Variants in COMMD1 observed in about 807,000 individuals in gnomAD.
The protein encoded by COMMD1 is COMM domain-containing protein 1.
COMMD1 carries 10 observed loss-of-function variants against 17.2 expected under a neutral mutation model. The ratio of observed to expected loss-of-function variants is 0.58; its 90% confidence interval spans 0.36 to 0.99. The LOEUF (loss-of-function observed/expected upper bound fraction) is 0.99. Among genes scored for constraint, COMMD1 ranks in the 50% least tolerant of loss-of-function variants. The pLI is 0.01. For missense variants in COMMD1, 270 were observed against 231.8 expected, an observed-to-expected ratio of 1.17 and a Z score of -1.07; for synonymous variants, 97 against 91.6, an observed-to-expected ratio of 1.06 and a Z score of -0.34.
intron 1 of COMMD1, among the ~76,000 whole-genome samples, chr2:61,920,981 A>ATATATATATATATATATT (rs749403795): frequency 7.8e-5 from 11 of 141,398 alleles, no homozygotes; most frequent in African/African-American, 3.0e-4. Context: ...ATATATATAT[A>ATATATATATATATATATT]TTTTTTTTTT....
rs138335575 is a variant in COMMD1, at chr2:62,075,524, A to G, written c.463-60307A>G. ...TAGAGCCTCTTATTTATGCTGTCTC[A>G]ATTATCTCTGGATATAATCATATGA... On this transcript the variant is annotated intron_variant, in intron 2 of 2. Coordinates refer to ENST00000311832, the MANE Select transcript of COMMD1 (RefSeq NM_152516.4). 1.6e-4 allele frequency among the ~76,000 whole-genome samples: 25 copies of G among 152,334 alleles called. No individual in the cohort carries two copies. In the East Asian group the frequency reaches 4.0e-3, roughly 25 times the overall value.
chr2:61,915,964 G>A (rs182895099), intron 1 of COMMD1, among the ~76,000 whole-genome samples: 285 of 150,342 alleles, frequency 1.9e-3, no homozygotes, highest in African/African-American at 5.7e-3. Context: ...GAGCCACTGC[G>A]CCCAGCCTAT....
intron 1 of COMMD1, among the ~76,000 whole-genome samples, chr2:61,947,889 A>G (rs968755313): frequency 6.0e-5 from 9 of 150,930 alleles, no homozygotes; most frequent in Admixed American, 5.3e-4. Context: ...CAATTGTTGA[A>G]ATAGTTTGTC....
intron 1 of COMMD1, among the ~76,000 whole-genome samples, chr2:61,976,732 T>G (rs1197074153): frequency 6.6e-6 from 1 of 152,162 alleles, no homozygotes; most frequent in East Asian, 1.9e-4. Context: ...AACACAGAAT[T>G]TTTAGTAGTA....
chr2:62,045,757 A>C (rs1176103413), intron 2 of COMMD1, among the ~76,000 whole-genome samples: 1 of 57,300 alleles, frequency 1.7e-5, no homozygotes, highest in African/African-American at 6.4e-5. Context: ...TTTTTTTTTG[A>C]GACAGAGTCT....
intron 2 of COMMD1, among the ~76,000 whole-genome samples, chr2:62,036,605 T>C (rs1670045380): frequency 6.6e-6 from 1 of 152,232 alleles, no homozygotes; most frequent in Non-Finnish European, 1.5e-5. Context: ...CTGGAGCTGA[T>C]GTAAGGGGCT....
intron 1 of COMMD1, among the ~76,000 whole-genome samples, chr2:61,907,316 A>C (rs1413536866): frequency 1.3e-5 from 2 of 152,186 alleles, no homozygotes; most frequent in Non-Finnish European, 2.9e-5. Flanking sequence ...TATGTTGGCC[A>C]GGATGGTTTT....
intron 1 of COMMD1, among the ~76,000 whole-genome samples, chr2:61,974,346 T>C (rs1179602282): frequency 1.3e-5 from 2 of 151,980 alleles, no homozygotes; most frequent in Non-Finnish European, 2.9e-5. Context: ...CATTTAGCAT[T>C]GTATCTATGA....
intron 2 of COMMD1, among the ~76,000 whole-genome samples, chr2:62,118,704 G>T (rs2104066850): frequency 6.6e-6 from 1 of 152,276 alleles, no homozygotes; most frequent in Non-Finnish European, 1.5e-5. Context: ...TATCCTGGCA[G>T]TCCCCGTAAA....
rs140996141 is a variant in COMMD1, at chr2:61,918,169, T to G, written c.180+12311T>G. 5.2e-3 allele frequency among the ~76,000 whole-genome samples: 786 copies of G among 152,342 alleles called. 10 individuals are homozygous for G. Among genetic ancestry groups the G allele is most frequent in the African/African-American group, 0.017 (699 of 41,580 alleles). On this transcript the variant is annotated intron_variant, in intron 1 of 2. Transcript: ENST00000311832. ...AAGTTGGCTACTCAACAATAAAAAT[T>G]TATTATCCAAAAAGATGTCTAAATA... is the stretch of plus-strand genomic sequence containing the variant.
At position 61,935,495 on chromosome 2, in the gene COMMD1, G is replaced by A. The variant is rs959339573; in HGVS notation, c.180+29637G>A. Among the ~76,000 whole-genome samples the A allele has an allele frequency of 2.0e-5, 3 of 152,204 alleles. No homozygotes were observed. In the East Asian group the frequency reaches 5.8e-4, roughly 29 times the overall value. ...ATACAAAAATTAGCTGGGCATGATG[G>A]CAGGTGCCTGTAATCCTAGCTACTT... On this transcript the variant is annotated intron_variant, in intron 1 of 2. Transcript: ENST00000311832.
At chr2:62,087,869 T>G (rs1325487388) in intron 2 of COMMD1, among the ~76,000 whole-genome samples, 1 of 152,214 alleles carries the variant, frequency 6.6e-6, no homozygotes, top group East Asian at 1.9e-4. Context: ...TTGGAGACGC[T>G]TTGCCTTACC....
chr2:61,947,016 C>T (rs532434937), intron 1 of COMMD1, among the ~76,000 whole-genome samples: 2 of 152,112 alleles, frequency 1.3e-5, no homozygotes, highest in Non-Finnish European at 2.9e-5. Context: ...AGTAGACAGT[C>T]GTGAATTGTC....
At chr2:62,000,643 A>G (rs757703803) in intron 1 of COMMD1, 58 bp from the exon 2 acceptor site, 15 of 1,498,556 alleles carry the variant, frequency 1.0e-5, no homozygotes, top group Non-Finnish European at 1.4e-5. Flanking sequence ...TTAAGAAGCT[A>G]TCTTTTTCTA....
At chr2:62,130,479 C>G (rs1230592337) in intron 2 of COMMD1, among the ~76,000 whole-genome samples, 1 of 152,040 alleles carries the variant, frequency 6.6e-6, no homozygotes, top group East Asian at 1.9e-4. Context: ...GGCATCCTTT[C>G]CCACTCTCAC....
At chr2:62,078,050 C>A (rs552042844) in intron 2 of COMMD1, among the ~76,000 whole-genome samples, 2 of 150,856 alleles carry the variant, frequency 1.3e-5, no homozygotes, top group African/African-American at 2.4e-5. Context: ...CCGAAGCAGG[C>A]GGATCACGAG....
intron 1 of COMMD1, among the ~76,000 whole-genome samples, chr2:61,959,910 C>T (rs1671293950): frequency 6.6e-6 from 1 of 152,132 alleles, no homozygotes; most frequent in Non-Finnish European, 1.5e-5. Context: ...TGGAATAGGA[C>T]CTCACATTTT....
intron 2 of COMMD1, among the ~76,000 whole-genome samples, chr2:62,096,603 G>C (rs1672016868): frequency 6.6e-6 from 1 of 152,148 alleles, no homozygotes. Context: ...TTAAGGAGTA[G>C]TTTGGAATCC....
chr2:62,018,663 C>T (rs1400462881), intron 2 of COMMD1, among the ~76,000 whole-genome samples: 1 of 152,136 alleles, frequency 6.6e-6, no homozygotes, highest in Non-Finnish European at 1.5e-5. Flanking sequence ...TATGAAATGA[C>T]CTTGACAGTC....
Sources: allele counts gnomAD v4.1 joint callset (sites outside exome capture counted in the v4.1 genomes callset), GRCh38; gene constraint gnomAD v4.1.1; transcripts MANE v1.5; gene names NCBI Gene and HGNC (gene_info 2026-07-23, HGNC 2026-07-21).